FOCAD: variants seen among roughly 807,000 people sequenced by gnomAD.
The protein encoded by FOCAD is focadhesin, also known as KIAA1797.
Under a neutral mutation model 225.6 loss-of-function variants are expected in FOCAD, and 198 were observed. The ratio of observed to expected loss-of-function variants is 0.88; its 90% CI spans 0.78 to 0.99. The LOEUF is 0.99. Among genes scored for constraint, FOCAD ranks in the 50% least tolerant of loss-of-function variants. FOCAD has a pLI of 0.00. For synonymous variants in FOCAD, 897 were observed against 755.0 expected, an observed-to-expected ratio of 1.19 and a Z score of -3.08; for missense variants, 2,713 against 2,123.6, an observed-to-expected ratio of 1.28 and a Z score of -5.46.
At chr9:20,911,077 A>T (rs1833400678) in intron 22 of FOCAD, among the ~76,000 whole-genome samples, 1 of 152,072 alleles carries the variant, frequency 6.6e-6, no homozygotes, top group Admixed American at 6.6e-5. Flanking sequence ...AGGAGTAAGG[A>T]GGCATAATTT....
intron 11 of FOCAD, among the ~76,000 whole-genome samples, chr9:20,796,483 C>G (rs930290190): frequency 2.0e-5 from 3 of 152,184 alleles, no homozygotes; most frequent in African/African-American, 7.2e-5. Flanking sequence ...CCTGTTGTTT[C>G]CTGACTTTTT....
intron 15 of FOCAD, among the ~76,000 whole-genome samples, chr9:20,859,620 T>C (rs1828571389): frequency 6.7e-6 from 1 of 148,942 alleles, no homozygotes; most frequent in African/African-American, 2.4e-5. Context: ...TTTTTTCTAT[T>C]CTTTAAAAAA....
At chr9:20,814,589 T>C (rs1823458182) in intron 11 of FOCAD, among the ~76,000 whole-genome samples, 1 of 152,100 alleles carries the variant, frequency 6.6e-6, no homozygotes, top group African/African-American at 2.4e-5. Flanking sequence ...ACTCCTGCCC[T>C]CAAGTGATCC....
intron 15 of FOCAD, among the ~76,000 whole-genome samples, chr9:20,839,120 G>A (rs1371693612): frequency 1.3e-5 from 2 of 151,878 alleles, no homozygotes; most frequent in African/African-American, 2.4e-5. Context: ...TATGTTGTGT[G>A]CCTATATAGG....
chr9:20,839,912 T>G (rs941760499), intron 15 of FOCAD, among the ~76,000 whole-genome samples: 1 of 152,112 alleles, frequency 6.6e-6, no homozygotes, highest in Non-Finnish European at 1.5e-5. Flanking sequence ...TTTATTGAGG[T>G]GACTATCCTT....
intron 6 of FOCAD, among the ~76,000 whole-genome samples, chr9:20,761,437 T>C (rs897573576): frequency 2.0e-5 from 3 of 151,974 alleles, no homozygotes; most frequent in African/African-American, 7.3e-5. Flanking sequence ...TTATTTTTTT[T>C]TGTGGCAGAG....
At chr9:20,961,078 T>G (rs1231730089) in intron 35 of FOCAD, among the ~76,000 whole-genome samples, 2 of 151,714 alleles carry the variant, frequency 1.3e-5, no homozygotes, top group African/African-American at 2.4e-5. Context: ...TGGGAGAAAA[T>G]TTTTGCAATC....
chr9:20,713,123 G>C (rs1014242037), intron 1 of FOCAD, among the ~76,000 whole-genome samples: 9 of 152,160 alleles, frequency 5.9e-5, no homozygotes, highest in Non-Finnish European at 1.0e-4. Flanking sequence ...TACCCCAAGT[G>C]ATTCTATTGA....
At chr9:20,763,841 T>C (rs16938162) in intron 6 of FOCAD, among the ~76,000 whole-genome samples, 50,431 of 152,016 alleles carry the variant, frequency 0.33, 8,857 homozygotes, top group Non-Finnish European at 0.38. Context: ...TTTTTATTTT[T>C]GATGATCATT....
intron 15 of FOCAD, among the ~76,000 whole-genome samples, chr9:20,828,459 A>G (rs1221391685): frequency 6.6e-6 from 1 of 151,840 alleles, no homozygotes; most frequent in African/African-American, 2.4e-5. Context: ...TAGGAGTGGG[A>G]TTGGTGGGTC....
intron 9 of FOCAD, among the ~76,000 whole-genome samples, chr9:20,780,024 A>G (rs1330937399): frequency 6.6e-6 from 1 of 152,180 alleles, no homozygotes; most frequent in African/African-American, 2.4e-5. Context: ...CCAAAGGTAT[A>G]ATTTACCCGT....
At chr9:20,934,258 G>A (rs969300607) in intron 28 of FOCAD, among the ~76,000 whole-genome samples, 1 of 152,042 alleles carries the variant, frequency 6.6e-6, no homozygotes, top group Admixed American at 6.6e-5. Context: ...TTGCTTTTTG[G>A]TTCTTCATCA....
At position 20,948,287 on chromosome 9, in the gene FOCAD, T is replaced by C. The variant is rs1488665170; in HGVS notation, c.3692T>C (p.Leu1231Pro). ...ENSQQTSGFA[L>P]ALGNIVHGLS... ...TTATATCAGACTTCAGGTTTTGCCC[T>C]GGCTTTAGGAAACATAGTTCATGGA... Residue 1231 changes from leucine (L) to proline (P), a missense_variant, in exon 31 of 44, where the codon CTG becomes CCG. Transcript: ENST00000338382. 1.2e-6 allele frequency: 2 copies of C among 1,609,900 alleles called. No homozygotes were observed. Among genetic ancestry groups the C allele is most frequent in the Admixed American group, 3.3e-5 (2 of 59,778 alleles).
Position 20,885,918 on chromosome 9 carries a change from A to G in FOCAD, c.2625+688A>G, listed in dbSNP as rs138637895. On this transcript the variant is annotated intron_variant, in intron 21 of 43. Transcript: ENST00000338382. ...GAGATTTATATAGTTCAGACATAGT[A>G]GGTTATATATCAGTTATAAGTAAAA... 8.2e-3 allele frequency among the ~76,000 whole-genome samples: 1,244 copies of G among 152,330 alleles called. 19 individuals are homozygous for G. Among genetic ancestry groups the G allele is most frequent in the African/African-American group, 0.028 (1,184 of 41,578 alleles).
intron 24 of FOCAD, among the ~76,000 whole-genome samples, chr9:20,918,202 A>T (rs527933534): frequency 3.3e-5 from 5 of 152,378 alleles, no homozygotes; most frequent in Admixed American, 1.3e-4. Flanking sequence ...CAGTGCTCTG[A>T]CATTTGCTGC....
chr9:20,854,767 A>G (rs1828001084), intron 15 of FOCAD, among the ~76,000 whole-genome samples: 1 of 151,794 alleles, frequency 6.6e-6, no homozygotes, highest in Non-Finnish European at 1.5e-5. Flanking sequence ...TCATTCGTAC[A>G]TAAATATTCG....
At chr9:20,772,866 A>G (rs762379442) in intron 8 of FOCAD, among the ~76,000 whole-genome samples, 8 of 151,876 alleles carry the variant, frequency 5.3e-5, no homozygotes, top group African/African-American at 1.9e-4. Context: ...GTTTTCTATT[A>G]TACAGTTACA....
chr9:20,986,266 AT>A (rs545976303), intron 39 of FOCAD, 21 bp from the exon 40 acceptor site: 75,365 of 680,182 alleles, frequency 0.11, 3 homozygotes, highest in Middle Eastern at 0.18. Context: ...TAACTAAACA[AT>A]TTTTTTTTTT....
At chr9:20,993,220 CTTCTT>C (rs777602818) in intron 42 of FOCAD, 28 bp from the exon 43 acceptor site, 1 of 1,568,348 alleles carries the variant, frequency 6.4e-7, no homozygotes. Context: ...GTAGGATTCT[CTTCTT>C]TGACACTATT....
Sources: gnomAD v4.1 joint callset for allele counts (sites outside exome capture counted in the v4.1 genomes callset) on GRCh38, gnomAD v4.1.1 for gene constraint, MANE v1.5 for transcripts, NCBI Gene and HGNC (gene_info 2026-07-23, HGNC 2026-07-21) for gene names.